Variants in FMNL3 observed in about 807,000 individuals in gnomAD.
The protein encoded by FMNL3 is formin-like protein 3.
FMNL3 carries 57 observed loss-of-function variants against 119.6 expected under a neutral mutation model. The observed-to-expected ratio is 0.48, with a 90% CI of 0.39 to 0.59. The LOEUF (loss-of-function observed/expected upper bound fraction) is 0.59. Ranked by LOEUF, FMNL3 falls within the 20% of genes least tolerant of loss-of-function variation. The probability of loss-of-function intolerance (pLI) is 0.00; values close to 1 mark genes in which losing one functional copy is unlikely to be tolerated. For synonymous variants in FMNL3, 491 were observed against 507.3 expected (o/e 0.97, Z 0.43); for missense variants, 1,053 against 1,323.5 (o/e 0.80, Z 3.17).
chr12:49,637,727 T>G lies in FMNL3; in HGVS notation c.*8088A>C. On this transcript the variant is annotated 3_prime_UTR_variant, in exon 26 of 26. Transcript: ENST00000335154. Reference sequence around the variant, plus strand: ...CCGCCAGGCCCCCCTCCCTCCCTCCTTACAGGCTCCACCCCTCTGGACTTA... The same window carrying G: ...CCGCCAGGCCCCCCTCCCTCCCTCCGTACAGGCTCCACCCCTCTGGACTTA... 2.1e-4 allele frequency: 189 copies of G among 894,948 alleles called. No individual in the cohort carries two copies. The highest frequency in any genetic ancestry group is 3.0e-4 in the Non-Finnish European group (179 of 597,404). The allele number at this position is 894,948 out of a possible 1,614,324, so 55.4% of individuals were successfully genotyped here. A position where few individuals can be genotyped will look rare whatever the true frequency, so the allele number is the denominator to read the frequency against.
At chr12:49,694,240 G>A (rs889575486) in intron 1 of FMNL3, among the ~76,000 whole-genome samples, 3 of 152,140 alleles carry the variant, frequency 2.0e-5, no homozygotes, top group Non-Finnish European at 4.4e-5. Context: ...GATGAAATCA[G>A]CAAGACTTAC....
intron 1 of FMNL3, among the ~76,000 whole-genome samples, chr12:49,700,497 G>C (rs571766256): frequency 6.7e-6 from 1 of 149,376 alleles, no homozygotes; most frequent in African/African-American, 2.5e-5. Context: ...GGTGGGTCGC[G>C]TGAGGTCAGG....
Position 49,654,522 on chromosome 12 carries a change from T to A in FMNL3, c.961-220A>T, listed in dbSNP as rs1340690532. On this transcript the variant is annotated intron_variant, in intron 10 of 25. Coordinates refer to ENST00000335154, the MANE Select transcript of FMNL3 (RefSeq NM_175736.5). Reference sequence around the variant, plus strand: ...ACAAGTAAATTACATGAAAAACAGATGTAAGTGAAGATATAGCTATCTGAT... The same window carrying A: ...ACAAGTAAATTACATGAAAAACAGAAGTAAGTGAAGATATAGCTATCTGAT... 2.0e-5 allele frequency among the ~76,000 whole-genome samples: 3 copies of A among 152,152 alleles called. 1 individual carries two copies. Among genetic ancestry groups the A allele is most frequent in the Non-Finnish European group, 4.4e-5 (3 of 68,032 alleles).
At position 49,653,798 on chromosome 12, in the gene FMNL3, C is replaced by A; in HGVS notation, c.1148G>T (p.Gly383Val). ...CTTGGTCTCAGCATCCTCCAACAAA[C>A]CCCCGACATCAAACACGTTGTCCAG... ...AYLDNVFDVGGLLEDAETKNV... is the reference protein window; with the variant it reads ...AYLDNVFDVGVLLEDAETKNV... Residue 383 changes from glycine to valine, a missense_variant, in exon 12 of 26, where the codon GGT becomes GTT. By Grantham distance (109) the Gly-to-Val change is moderately radical. Coordinates refer to ENST00000335154, the MANE Select transcript of FMNL3 (RefSeq NM_175736.5). 6.2e-7 allele frequency: 1 copy of A among 1,614,224 alleles called. No individual in the cohort carries two copies. Among genetic ancestry groups the A allele is most frequent in the Non-Finnish European group, 8.5e-7 (1 of 1,180,048 alleles).
At chr12:49,651,336 C>T (rs373371698) in intron 15 of FMNL3, 44 bp from the exon 16 acceptor site, 119 of 1,598,582 alleles carry the variant, frequency 7.4e-5, no homozygotes, top group Non-Finnish European at 9.1e-5. Flanking sequence ...CAAGGACACA[C>T]ACCCCTGGTC....
Position 49,658,541 on chromosome 12 carries a change from C to T in FMNL3, c.506G>A (p.Arg169Gln), listed in dbSNP as rs1009508764. ...SGDDGAFDKLRSWSRSIEDLQ... is the reference protein window; with the variant it reads ...SGDDGAFDKLQSWSRSIEDLQ... The stretch of plus-strand genomic sequence containing the variant: ...GTCCTCGATTGACCTGCTCCAGGAC[C>T]GGAGTTTGTCAAATGCACCATCGTC... The change falls in exon 6 of 26, where the codon CGG becomes CAG. Residue 169 changes from arginine (R) to glutamine (Q), a missense_variant. Physicochemically the swap from Arg to Gln is conservative, Grantham distance 43. This residue lies in a region of FMNL3 where 264 missense variants were observed against 265.5 expected (regional missense o/e 0.99). Coordinates refer to ENST00000335154, the MANE Select transcript of FMNL3 (RefSeq NM_175736.5). 2 of 1,613,352 alleles carry T rather than the reference C, an allele frequency of 1.2e-6. No homozygotes were observed. Among genetic ancestry groups the T allele is most frequent in the Middle Eastern group, 1.7e-4 (1 of 6,060 alleles).
chr12:49,683,177 T>C (rs1261720344), intron 1 of FMNL3, among the ~76,000 whole-genome samples: 1 of 152,184 alleles, frequency 6.6e-6, no homozygotes, highest in Non-Finnish European at 1.5e-5. Flanking sequence ...GGCTGTGCTG[T>C]GAGACTGGAG....
chr12:49,658,024 T>A (rs1399352973), intron 6 of FMNL3, among the ~76,000 whole-genome samples: 1 of 151,820 alleles, frequency 6.6e-6, no homozygotes, highest in African/African-American at 2.4e-5. Flanking sequence ...TGGGAGCTGG[T>A]CTCCAAGCAG....
At chr12:49,686,269 A>C (rs1944455267) in intron 1 of FMNL3, among the ~76,000 whole-genome samples, 1 of 149,520 alleles carries the variant, frequency 6.7e-6, no homozygotes, top group Non-Finnish European at 1.5e-5. Flanking sequence ...CACTGTGTCC[A>C]GCCTTCTACT....
At chr12:49,655,134 A>T (rs1943532195) in intron 9 of FMNL3, 150 bp from the exon 10 acceptor site, 2 of 685,166 alleles carry the variant, frequency 2.9e-6, no homozygotes, top group Admixed American at 6.2e-5. Flanking sequence ...TCTGGACACT[A>T]TAAAAGAAAA....
intron 9 of FMNL3, 115 bp from the exon 10 acceptor site, chr12:49,655,099 C>T (rs1056320278): frequency 1.5e-5 from 14 of 905,576 alleles, no homozygotes; most frequent in Non-Finnish European, 2.2e-5. Flanking sequence ...AGCTTAACCA[C>T]AGCTCTATAT....
intron 16 of FMNL3, 50 bp downstream of exon 16, chr12:49,651,118 C>A: frequency 6.3e-7 from 1 of 1,594,368 alleles, no homozygotes; most frequent in Non-Finnish European, 8.6e-7. Flanking sequence ...CAAAAGGCAA[C>A]CAGGTCCCTA....
intron 9 of FMNL3, 39 bp downstream of exon 9, chr12:49,656,365 G>T: frequency 6.5e-7 from 1 of 1,539,120 alleles, no homozygotes; most frequent in Non-Finnish European, 8.9e-7. Context: ...CTTCTCCCCC[G>T]CAAACACACA....
intron 7 of FMNL3, 64 bp from the exon 8 acceptor site, chr12:49,656,963 C>T (rs1943589951): frequency 2.6e-6 from 4 of 1,541,678 alleles, no homozygotes; most frequent in Admixed American, 1.7e-5. Context: ...CAGCCAATCT[C>T]CTTGACCGTA....
At chr12:49,657,257 C>T in intron 6 of FMNL3, 67 bp from the exon 7 acceptor site, 1 of 1,246,490 alleles carries the variant, frequency 8.0e-7, no homozygotes, top group Non-Finnish European at 1.2e-6. Flanking sequence ...GGGACACTCA[C>T]CATCACCCGG....
intron 1 of FMNL3, among the ~76,000 whole-genome samples, chr12:49,673,362 A>G (rs1212992034): frequency 2.0e-5 from 3 of 152,272 alleles, no homozygotes; most frequent in Admixed American, 2.0e-4. Flanking sequence ...AGACTGCTGA[A>G]GGAGGAGCTG....
chr12:49,648,041 C>T, intron 22 of FMNL3, 152 bp downstream of exon 22: 1 of 1,001,930 alleles, frequency 1.0e-6, no homozygotes, highest in Non-Finnish European at 1.4e-6. Context: ...TCTCCAGAGG[C>T]AGCTGCCTGG....
intron 1 of FMNL3, among the ~76,000 whole-genome samples, chr12:49,669,824 T>C (rs917528328): frequency 7.4e-6 from 1 of 134,766 alleles, no homozygotes; most frequent in Non-Finnish European, 1.6e-5. Flanking sequence ...AGAGAAAGAT[T>C]CTATCTCAAC....
Position 49,643,190 on chromosome 12 carries a change from T to C in FMNL3, c.*2625A>G, listed in dbSNP as rs770905357. 3.1e-6 allele frequency: 5 copies of C among 1,612,582 alleles called. No homozygotes were observed. In the East Asian group the frequency reaches 1.1e-4, roughly 36 times the overall value. On this transcript the variant is annotated 3_prime_UTR_variant, in exon 26 of 26. Coordinates refer to ENST00000335154, the MANE Select transcript of FMNL3 (RefSeq NM_175736.5). Reference sequence around the variant, plus strand: ...GAGGGCTTCTGGAGGGCAGAGAACCTCTGCACTGACATGTATCTGCTGATC... The same window carrying C: ...GAGGGCTTCTGGAGGGCAGAGAACCCCTGCACTGACATGTATCTGCTGATC...
Sources: gnomAD v4.1 joint callset for allele counts (sites outside exome capture counted in the v4.1 genomes callset) on GRCh38, gnomAD v4.1.1 for gene constraint, gnomAD v4.1.1 regional missense constraint, MANE v1.5 for transcripts, NCBI Gene and HGNC (gene_info 2026-07-23, HGNC 2026-07-21) for gene names.